Variants in TTYH2 observed in about 807,000 individuals in gnomAD.
The protein encoded by TTYH2 is protein tweety homolog 2.
Under a neutral mutation model 68.3 loss-of-function variants are expected in TTYH2, and 49 were observed. The ratio of observed to expected loss-of-function variants is 0.72; its 90% CI spans 0.57 to 0.91. The LOEUF is 0.91. Ranked by LOEUF, TTYH2 falls within the 40% of genes least tolerant of loss-of-function variation. The pLI, the probability that TTYH2 is intolerant of heterozygous loss-of-function variation, is 0.00. For synonymous variants in TTYH2, 272 were observed against 300.8 expected, an observed-to-expected ratio of 0.90 and a Z score of 0.99; for missense variants, 631 against 700.4, an observed-to-expected ratio of 0.90 and a Z score of 1.12.
chr17:74,218,866 G>A (rs760071284), intron 1 of TTYH2, among the ~76,000 whole-genome samples: 2 of 152,210 alleles, frequency 1.3e-5, no homozygotes, highest in African/African-American at 2.4e-5. Flanking sequence ...GTAGCTGGGG[G>A]CAGGCTGGAT....
At chr17:74,258,275 G>A (rs1376407680) in intron 13 of TTYH2, among the ~76,000 whole-genome samples, 6 of 151,588 alleles carry the variant, frequency 4.0e-5, no homozygotes, top group African/African-American at 1.5e-4. Flanking sequence ...TGCCTTTTTT[G>A]TTTTTTTGAG....
intron 2 of TTYH2, among the ~76,000 whole-genome samples, chr17:74,223,284 T>G (rs889243798): frequency 6.0e-4 from 76 of 127,644 alleles, no homozygotes; most frequent in African/African-American, 2.6e-3. Context: ...GGCTTTTTTT[T>G]TGGGGGGCGG....
At position 74,252,356 on chromosome 17, in the gene TTYH2, C is replaced by G; in HGVS notation, c.1239C>G (p.Ala413=). Residue 413 remains alanine, a synonymous_variant, in exon 11 of 14, where the codon GCC becomes GCG. Coordinates refer to ENST00000269346, the MANE Select transcript of TTYH2 (RefSeq NM_032646.6). The part of the protein sequence containing the change: ...FSTMICAGPR[A]WKHFTTRNRD... ...CCATGATCTGTGCAGGGCCAAGGGC[C>G]TGGAAGCACTTCACCACCAGGTGGG... 1 of 1,613,758 alleles carries G rather than the reference C, an allele frequency of 6.2e-7. No homozygotes were observed. The highest frequency in any genetic ancestry group is 8.5e-7 in the Non-Finnish European group (1 of 1,179,986).
intron 3 of TTYH2, among the ~76,000 whole-genome samples, chr17:74,234,197 T>A (rs1054468649): frequency 6.6e-6 from 1 of 152,224 alleles, no homozygotes; most frequent in Non-Finnish European, 1.5e-5. Flanking sequence ...TTTGCTTTTG[T>A]GAGTGAGTTC....
intron 2 of TTYH2, among the ~76,000 whole-genome samples, chr17:74,229,757 C>G (rs2050368753): frequency 6.6e-6 from 1 of 152,176 alleles, no homozygotes; most frequent in Non-Finnish European, 1.5e-5. Context: ...CGAAAGAAGC[C>G]AGTCCGAAAA....
rs569784988 is a variant in TTYH2 at position 74,255,794 on chromosome 17, G to C, written c.1524+1961G>C. On this transcript the variant is annotated intron_variant, in intron 13 of 13. Transcript: ENST00000269346. ...GAATGAAAGGCCAGAAGTCTGCCATGGGGTGGGCAGAAGGGTCCTGGAGCC... is the reference window on the plus strand; with the variant it reads ...GAATGAAAGGCCAGAAGTCTGCCATCGGGTGGGCAGAAGGGTCCTGGAGCC... Among the ~76,000 whole-genome samples, 230 of 152,324 alleles carry C rather than the reference G, an allele frequency of 1.5e-3. 1 individual carries two copies. Among genetic ancestry groups the C allele is most frequent in the Non-Finnish European group, 1.4e-3 (97 of 68,036 alleles).
chr17:74,240,163 A>G (rs2050484560), intron 4 of TTYH2, among the ~76,000 whole-genome samples: 1 of 152,138 alleles, frequency 6.6e-6, no homozygotes, highest in Admixed American at 6.5e-5. Context: ...TTGAGGCAGA[A>G]GAGGTTTGGC....
Position 74,260,344 on chromosome 17 carries a change from G to C in TTYH2, c.*135G>C. On this transcript the variant is annotated 3_prime_UTR_variant, in exon 14 of 14. Coordinates refer to ENST00000269346, the MANE Select transcript of TTYH2 (RefSeq NM_032646.6). Reference sequence around the variant, plus strand: ...TCCTGCTGTGGCAGAGGAGCAGCTGGGATTCCCGACCAAAGCCCCAGGGGG... The same window carrying C: ...TCCTGCTGTGGCAGAGGAGCAGCTGCGATTCCCGACCAAAGCCCCAGGGGG... The C allele has an allele frequency of 1.1e-6, 1 of 894,802 alleles. No individual in the cohort carries two copies. 55.4% of individuals were successfully genotyped at this position (894,802 alleles called of 1,614,324 possible).
In TTYH2 at chr17:74,214,719, G is replaced by T. The variant is rs2050205209; in HGVS notation, c.129+1003G>T. Among the ~76,000 whole-genome samples the T allele has an allele frequency of 6.6e-6, 1 of 152,138 alleles. No homozygotes were observed. Among genetic ancestry groups the T allele is most frequent in the African/African-American group, 2.4e-5 (1 of 41,428 alleles). ...TCCTTGTGTTGGGTCAAAGATTCTG[G>T]GGCCAGTGGACCAGGATGAGGTCCA... On this transcript the variant is annotated intron_variant, in intron 1 of 13. Coordinates refer to ENST00000269346, the MANE Select transcript of TTYH2 (RefSeq NM_032646.6). The surrounding 1 kb of genome is among the most constrained non-coding windows in gnomAD (Gnocchi z 4.6).
intron 6 of TTYH2, among the ~76,000 whole-genome samples, chr17:74,245,735 A>T (rs1172899358): frequency 1.3e-5 from 2 of 152,160 alleles, no homozygotes; most frequent in Non-Finnish European, 2.9e-5. Context: ...TTTAATAGGA[A>T]GCCGGGTGAG....
chr17:74,237,227 A>G lies in TTYH2; in HGVS notation c.415-67A>G, dbSNP rs1251995396. The G allele has an allele frequency of 2.6e-6, 4 of 1,533,860 alleles. No homozygotes were observed. The Admixed American group carries it at 6.9e-5, about 26-fold the overall frequency. On this transcript the variant is annotated intron_variant, in intron 3 of 13. Transcript: ENST00000269346. ...GCCAGGCCACCTTCTGCTGCCTGCAAAGACCTCTTCCGGGATGAGAATCAG... is the reference window on the plus strand; with the variant it reads ...GCCAGGCCACCTTCTGCTGCCTGCAGAGACCTCTTCCGGGATGAGAATCAG...
intron 1 of TTYH2, among the ~76,000 whole-genome samples, chr17:74,220,707 C>T (rs1240162273): frequency 7.0e-6 from 1 of 143,514 alleles, no homozygotes; most frequent in Admixed American, 6.7e-5. Context: ...GGGAGAGCCC[C>T]AGCCCCAGCC....
Position 74,232,025 on chromosome 17 carries a change from C to T in TTYH2, c.414+1026C>T, listed in dbSNP as rs143858998. Reference sequence around the variant, plus strand: ...CCTCTGCCTTTTCTACCCCAGCTGCCTGGAATTGGAGTTTTCCCACAGTTT... The same window carrying T: ...CCTCTGCCTTTTCTACCCCAGCTGCTTGGAATTGGAGTTTTCCCACAGTTT... On this transcript the variant is annotated intron_variant, in intron 3 of 13. Transcript: ENST00000269346. This position sits in a 1 kb window ranked among gnomAD's most constrained non-coding sequence, Gnocchi z 5.1. Among the ~76,000 whole-genome samples the T allele has an allele frequency of 4.6e-3, 702 of 152,316 alleles. 6 individuals carry two copies. The highest frequency in any genetic ancestry group is 0.016 in the African/African-American group (673 of 41,570).
intron 8 of TTYH2, among the ~76,000 whole-genome samples, 183 bp downstream of exon 8, chr17:74,249,582 CAT>C (rs2050597524): frequency 6.6e-6 from 1 of 152,194 alleles, no homozygotes; most frequent in South Asian, 2.1e-4. Flanking sequence ...GTGGTTAACA[CAT>C]ATGCAGCTCA....
chr17:74,214,463 C>A lies in TTYH2; in HGVS notation c.129+747C>A, dbSNP rs1260878428. Among the ~76,000 whole-genome samples, 1 of 152,176 alleles carries A rather than the reference C, an allele frequency of 6.6e-6. No homozygotes were observed. The highest frequency in any genetic ancestry group is 1.5e-5 in the Non-Finnish European group (1 of 68,028). On this transcript the variant is annotated intron_variant, in intron 1 of 13. Transcript: ENST00000269346. The surrounding 1 kb of genome is among the most constrained non-coding windows in gnomAD (Gnocchi z 4.6). ...ACTGGCCCATTCCTGTTCCCCCACG[C>A]CCCTCTCTCTACCTCACACCTTTAA...
In TTYH2 at chr17:74,214,785, C is replaced by T. The variant is rs1209021913; in HGVS notation, c.129+1069C>T. Among the ~76,000 whole-genome samples the T allele has an allele frequency of 6.6e-6, 1 of 152,212 alleles. No individual in the cohort carries two copies. Among genetic ancestry groups the T allele is most frequent in the East Asian group, 1.9e-4 (1 of 5,196 alleles). On this transcript the variant is annotated intron_variant, in intron 1 of 13. Transcript: ENST00000269346. The surrounding 1 kb of genome is among the most constrained non-coding windows in gnomAD (Gnocchi z 4.6). ...GCGCCCATCTCAGGACTTTGGCCCCCGGCGGCCTCTCCCTGTGTCAAGTTC... is the reference window on the plus strand; with the variant it reads ...GCGCCCATCTCAGGACTTTGGCCCCTGGCGGCCTCTCCCTGTGTCAAGTTC...
chr17:74,236,736 A>T (rs1463697986), intron 3 of TTYH2, among the ~76,000 whole-genome samples: 1 of 152,064 alleles, frequency 6.6e-6, no homozygotes, highest in Non-Finnish European at 1.5e-5. Flanking sequence ...GATCCTGTTT[A>T]AGGCCAGGTC....
intron 6 of TTYH2, among the ~76,000 whole-genome samples, chr17:74,247,398 A>G (rs2050570166): frequency 6.6e-6 from 1 of 152,098 alleles, no homozygotes; most frequent in Non-Finnish European, 1.5e-5. Context: ...GCTTGTCTTC[A>G]TTAATAGGAG....
rs1168991124 is a variant in TTYH2 at position 74,215,796 on chromosome 17, C to A, written c.129+2080C>A. The A allele has an allele frequency of 1.5e-6, 2 of 1,367,578 alleles. No individual in the cohort carries two copies. Among genetic ancestry groups the A allele is most frequent in the Non-Finnish European group, 2.0e-6 (2 of 995,054 alleles). 84.7% of individuals were successfully genotyped at this position (1,367,578 alleles called of 1,614,324 possible). On this transcript the variant is annotated intron_variant, in intron 1 of 13. Transcript: ENST00000269346. The surrounding 1 kb of genome is among the most constrained non-coding windows in gnomAD (Gnocchi z 4.3). ...CCAGTCACTAACAGAGTCAGGTGGA[C>A]CGTCGGTCATCCCAGTCTTCAGCAA...
Sources: gnomAD v4.1 joint callset for allele counts (sites outside exome capture counted in the v4.1 genomes callset) on GRCh38, gnomAD v4.1.1 for gene constraint, Gnocchi (gnomAD v3.1) non-coding constraint, MANE v1.5 for transcripts, NCBI Gene and HGNC (gene_info 2026-07-23, HGNC 2026-07-21) for gene names.